Variants in CTNND2 observed in about 807,000 individuals in gnomAD.
CTNND2 encodes catenin delta-2.
Under a neutral mutation model 144.4 loss-of-function variants are expected in CTNND2, and 22 were observed. The observed-to-expected ratio is 0.15, with a 90% CI of 0.11 to 0.22. The LOEUF (loss-of-function observed/expected upper bound fraction) is 0.22. CTNND2 is among the 10% of genes least tolerant of loss of function. CTNND2 has a pLI of 1.00. For synonymous variants in CTNND2, 751 were observed against 695.6 expected (o/e 1.08, Z -1.25); for missense variants, 1,353 against 1,618.8 (o/e 0.84, Z 2.82).
chr5:11,600,889 T>C (rs1779757377), intron 2 of CTNND2, among the ~76,000 whole-genome samples: 2 of 151,758 alleles, frequency 1.3e-5, no homozygotes, highest in East Asian at 1.9e-4. Context: ...CCAGTAGACA[T>C]TGTGAAGTCA....
intron 1 of CTNND2, among the ~76,000 whole-genome samples, chr5:11,802,567 CA>C (rs201689886): frequency 0.11 from 13,619 of 127,330 alleles, 1,757 homozygotes; most frequent in African/African-American, 0.32. Context: ...AACTCCATCT[CA>C]AAAAAAAAAA....
chr5:11,400,706 A>G (rs909057049), intron 5 of CTNND2, among the ~76,000 whole-genome samples: 5 of 152,226 alleles, frequency 3.3e-5, no homozygotes, highest in Non-Finnish European at 7.3e-5. Flanking sequence ...TGTAACACCA[A>G]TGTCTCAATA....
chr5:11,581,224 G>A (rs1038852848), intron 2 of CTNND2, among the ~76,000 whole-genome samples: 3 of 152,026 alleles, frequency 2.0e-5, no homozygotes, highest in Non-Finnish European at 4.4e-5. Context: ...TGAACCTGCA[G>A]ACAAGGTGGG....
At chr5:10,982,230 G>A (rs61752665) in intron 20 of CTNND2, among the ~76,000 whole-genome samples, 2,532 of 152,304 alleles carry the variant, frequency 0.017, 46 homozygotes, top group Non-Finnish European at 0.02. Context: ...GCTTTTAGCC[G>A]GAGAGTGACA....
In CTNND2 at chr5:11,607,570, T is replaced by C. The variant is rs140443064; in HGVS notation, c.175-42514A>G. Among the ~76,000 whole-genome samples, 227 of 152,340 alleles carry C rather than the reference T, an allele frequency of 1.5e-3. 1 individual carries two copies. The highest frequency in any genetic ancestry group is 2.8e-3 in the Non-Finnish European group (192 of 68,030). ...TCTTTCATTAGATGATCTTAAGATC[T>C]ATGGCAATTCAATTGACACAAATGA... On this transcript the variant is annotated intron_variant, in intron 2 of 21. Coordinates refer to ENST00000304623, the MANE Select transcript of CTNND2 (RefSeq NM_001332.4).
rs1390291507 is a variant in CTNND2, at chr5:11,092,072, T to C, written c.2637+6503A>G. 4.6e-5 allele frequency among the ~76,000 whole-genome samples: 7 copies of C among 152,290 alleles called. No homozygotes were observed. In the East Asian group the frequency reaches 1.2e-3, roughly 25 times the overall value. ...GGTCCCTCAATCTTCATACCATGGC[T>C]TGGAAACTCTCTCTCAAGGTGGTGA... On this transcript the variant is annotated intron_variant, in intron 15 of 21. Transcript: ENST00000304623.
chr5:11,424,947 C>G (rs2149861037), intron 3 of CTNND2, among the ~76,000 whole-genome samples: 1 of 152,300 alleles, frequency 6.6e-6, no homozygotes. Context: ...GGGCTCATCT[C>G]TGCTTTGTTC....
chr5:11,187,640 A>G (rs759334868), intron 11 of CTNND2, among the ~76,000 whole-genome samples: 9 of 152,238 alleles, frequency 5.9e-5, no homozygotes, highest in African/African-American at 9.6e-5. Context: ...CTGCACAGCA[A>G]AAGAAACTAT....
At chr5:11,073,845 G>GA (rs1748618800) in intron 16 of CTNND2, among the ~76,000 whole-genome samples, 1 of 152,224 alleles carries the variant, frequency 6.6e-6, no homozygotes, top group Admixed American at 6.5e-5. Context: ...CAAACCAGCA[G>GA]AGAGTGCTCC....
Position 11,052,901 on chromosome 5 carries a change from T to C in CTNND2, c.2788+29795A>G, listed in dbSNP as rs954081772. Reference sequence around the variant, plus strand: ...TGTATATTTTCATTAGTGAGGCTTATTTTTGGTCTGTGTTCATAATGCTTT... The same window carrying C: ...TGTATATTTTCATTAGTGAGGCTTACTTTTGGTCTGTGTTCATAATGCTTT... On this transcript the variant is annotated intron_variant, in intron 16 of 21. Coordinates refer to ENST00000304623, the MANE Select transcript of CTNND2 (RefSeq NM_001332.4). 2.0e-5 allele frequency among the ~76,000 whole-genome samples: 3 copies of C among 152,296 alleles called. 1 individual carries two copies. Among genetic ancestry groups the C allele is most frequent in the Admixed American group, 1.3e-4 (2 of 15,298 alleles).
chr5:11,381,187 C>T (rs1331270370), intron 7 of CTNND2, among the ~76,000 whole-genome samples: 2 of 152,184 alleles, frequency 1.3e-5, no homozygotes, highest in African/African-American at 2.4e-5. Context: ...TAACCCAAAC[C>T]ATAATCACCT....
intron 9 of CTNND2, among the ~76,000 whole-genome samples, chr5:11,296,454 A>T (rs1749018094): frequency 6.6e-6 from 1 of 152,172 alleles, no homozygotes; most frequent in Non-Finnish European, 1.5e-5. Context: ...AACTAGAAAT[A>T]CCATTTGACC....
chr5:11,733,804 A>C (rs1392071398), intron 1 of CTNND2, among the ~76,000 whole-genome samples: 1 of 152,214 alleles, frequency 6.6e-6, no homozygotes, highest in Non-Finnish European at 1.5e-5. Context: ...GCATAAGTGG[A>C]TGCATATGTA....
chr5:11,365,520 G>A (rs61750664), intron 7 of CTNND2, among the ~76,000 whole-genome samples: 1 of 152,156 alleles, frequency 6.6e-6, no homozygotes, highest in Non-Finnish European at 1.5e-5. Context: ...CTCTGAAAAA[G>A]TTAGGAATGA....
chr5:11,397,323 T>A, intron 5 of CTNND2, 120 bp from the exon 6 acceptor site: 1 of 783,736 alleles, frequency 1.3e-6, no homozygotes, highest in Non-Finnish European at 1.9e-6. Context: ...CATCCATGCT[T>A]AAAATTCTGA....
intron 1 of CTNND2, among the ~76,000 whole-genome samples, chr5:11,855,900 A>C (rs1458993047): frequency 6.6e-6 from 1 of 152,236 alleles, no homozygotes; most frequent in African/African-American, 2.4e-5. Flanking sequence ...CCAAGAGAGA[A>C]TAAAGGATAT....
intron 12 of CTNND2, among the ~76,000 whole-genome samples, chr5:11,143,386 T>C (rs1367939926): frequency 1.3e-5 from 2 of 152,188 alleles, no homozygotes; most frequent in Non-Finnish European, 2.9e-5. Flanking sequence ...GGGTTGGTTC[T>C]TTCCAAGGGT....
At chr5:11,603,620 AACTCAGG>A (rs1348515687) in intron 2 of CTNND2, among the ~76,000 whole-genome samples, 1 of 152,168 alleles carries the variant, frequency 6.6e-6, no homozygotes, top group Non-Finnish European at 1.5e-5. Context: ...TAAAATGCAA[AACTCAGG>A]ATGATTATTT....
chr5:11,297,749 T>C (rs1251098191), intron 9 of CTNND2, among the ~76,000 whole-genome samples: 1 of 152,116 alleles, frequency 6.6e-6, no homozygotes, highest in Non-Finnish European at 1.5e-5. Context: ...CTTAGAGAGT[T>C]TGGACAGGAG....
Sources: allele counts gnomAD v4.1 joint callset (sites outside exome capture counted in the v4.1 genomes callset), GRCh38; gene constraint gnomAD v4.1.1; transcripts MANE v1.5; gene names NCBI Gene and HGNC (gene_info 2026-07-23, HGNC 2026-07-21).